Variants in AKAP19 observed in about 807,000 individuals in gnomAD.
AKAP19 encodes the protein small A-kinase anchoring protein.
chr2:190,164,698 TTAATC>T, the AKAP19 span, among the ~76,000 whole-genome samples: 1 of 152,222 alleles, frequency 6.6e-6, no homozygotes, highest in African/African-American at 2.4e-5. Flanking sequence ...TCAAATATAT[TTAATC>T]TGATATTTTA....
At chr2:190,102,196 G>A in the AKAP19 span, among the ~76,000 whole-genome samples, 1 of 152,088 alleles carries the variant, frequency 6.6e-6, no homozygotes, top group African/African-American at 2.4e-5. Context: ...GCAGTCTTAA[G>A]AGGAAAGTTC....
chr2:189,957,681 T>G, the AKAP19 span, among the ~76,000 whole-genome samples: 1 of 152,230 alleles, frequency 6.6e-6, no homozygotes, highest in Non-Finnish European at 1.5e-5. Context: ...TAGTAAGACT[T>G]TTTCAATTTT....
chr2:189,934,469 A>G, the AKAP19 span, among the ~76,000 whole-genome samples: 1 of 151,998 alleles, frequency 6.6e-6, no homozygotes, highest in Admixed American at 6.6e-5. Flanking sequence ...TAAAATTGGA[A>G]AGAGTATATT....
At chr2:190,145,505 C>A in the AKAP19 span, among the ~76,000 whole-genome samples, 207 of 152,230 alleles carry the variant, frequency 1.4e-3, 3 homozygotes, top group Non-Finnish European at 2.8e-4. Context: ...ATGTTTTGGT[C>A]AATGACCGAC....
chr2:190,155,573 G>A, the AKAP19 span, among the ~76,000 whole-genome samples: 1 of 152,282 alleles, frequency 6.6e-6, no homozygotes. Flanking sequence ...TGACCAGGAG[G>A]AAACAAACTT....
the AKAP19 span, among the ~76,000 whole-genome samples, chr2:189,965,638 T>TAA: frequency 2.2e-4 from 32 of 146,624 alleles, no homozygotes; most frequent in South Asian, 1.1e-3. Context: ...AATAAAAAAA[T>TAA]AAAAAAAAAA....
the AKAP19 span, among the ~76,000 whole-genome samples, chr2:189,966,042 C>A: frequency 6.6e-6 from 1 of 151,956 alleles, no homozygotes; most frequent in Non-Finnish European, 1.5e-5. Context: ...TTGCAGCAAC[C>A]TGGATGGGAT....
At chr2:189,898,541 T>A in the AKAP19 span, among the ~76,000 whole-genome samples, 1 of 152,232 alleles carries the variant, frequency 6.6e-6, no homozygotes, top group Admixed American at 6.5e-5. Flanking sequence ...TCTACTCATA[T>A]CTTCTTTTGG....
At chr2:189,913,489 A>G in the AKAP19 span, among the ~76,000 whole-genome samples, 1 of 152,106 alleles carries the variant, frequency 6.6e-6, no homozygotes, top group South Asian at 2.1e-4. Flanking sequence ...TCCTAAAACT[A>G]TATGTTACAT....
chr2:190,091,460 T>C, the AKAP19 span, among the ~76,000 whole-genome samples: 2 of 151,988 alleles, frequency 1.3e-5, no homozygotes, highest in Non-Finnish European at 2.9e-5. Context: ...AGTGACCTAC[T>C]TTTGAAAGTA....
At chr2:190,183,646 T>TG in the AKAP19 span, among the ~76,000 whole-genome samples, 1 of 152,166 alleles carries the variant, frequency 6.6e-6, no homozygotes. Flanking sequence ...ATAAAAACAC[T>TG]GGGGGAAAAA....
the AKAP19 span, among the ~76,000 whole-genome samples, chr2:189,884,801 T>C: frequency 2.6e-5 from 4 of 152,212 alleles, no homozygotes; most frequent in Non-Finnish European, 4.4e-5. Context: ...TAAGTAGGTC[T>C]GGGGTAGAGT....
the AKAP19 span, among the ~76,000 whole-genome samples, chr2:189,969,443 C>T: frequency 7.2e-5 from 11 of 152,086 alleles, no homozygotes; most frequent in Non-Finnish European, 1.6e-4. Context: ...CTTGAACAGA[C>T]TAAGACACAC....
the AKAP19 span, among the ~76,000 whole-genome samples, chr2:190,085,741 C>G: frequency 6.6e-6 from 1 of 152,116 alleles, no homozygotes; most frequent in African/African-American, 2.4e-5. Context: ...GGACACTGAT[C>G]ATCCATACCA....
the AKAP19 span, among the ~76,000 whole-genome samples, chr2:190,140,218 C>A: frequency 6.6e-6 from 1 of 152,174 alleles, no homozygotes; most frequent in Non-Finnish European, 1.5e-5. Context: ...TACTCCCCTC[C>A]TGGCTGCTTT....
At chr2:190,196,996 T>C in the AKAP19 span, among the ~76,000 whole-genome samples, 5 of 152,154 alleles carry the variant, frequency 3.3e-5, no homozygotes, top group African/African-American at 4.8e-5. Flanking sequence ...TGAGCATATA[T>C]GGTGTCTTGT....
chr2:189,952,678 C>T, the AKAP19 span, among the ~76,000 whole-genome samples: 1 of 152,136 alleles, frequency 6.6e-6, no homozygotes, highest in Non-Finnish European at 1.5e-5. Context: ...CATTTTGAAA[C>T]AGGATACTTC....
the AKAP19 span, among the ~76,000 whole-genome samples, chr2:189,892,043 A>G: frequency 6.6e-6 from 1 of 151,696 alleles, no homozygotes; most frequent in African/African-American, 2.4e-5. Context: ...ATACTTGTGT[A>G]TGCTTCACGA....
the AKAP19 span, among the ~76,000 whole-genome samples, chr2:190,155,159 A>G: frequency 0.55 from 83,334 of 151,964 alleles, 23,332 homozygotes; most frequent in Middle Eastern, 0.66. Flanking sequence ...TTTTGCCCCA[A>G]TTACAGAAGA....
Sources: allele counts gnomAD v4.1 joint callset (sites outside exome capture counted in the v4.1 genomes callset), GRCh38; gene constraint gnomAD v4.1.1; transcripts MANE v1.5; gene names NCBI Gene and HGNC (gene_info 2026-07-23, HGNC 2026-07-21).